Variants in ANO6 observed in about 807,000 individuals in gnomAD.
The protein encoded by ANO6 is anoctamin-6.
A neutral mutation model predicts 117.5 loss-of-function variants in ANO6; 106 were observed. The ratio of observed to expected loss-of-function variants is 0.90; its 90% confidence interval spans 0.77 to 1.06. ANO6 has a LOEUF of 1.06. ANO6 is among the 50% of genes least tolerant of loss of function. ANO6 has a pLI of 0.00. For synonymous variants in ANO6, 367 were observed against 385.1 expected (o/e 0.95, Z 0.55); for missense variants, 955 against 1,121.1 (o/e 0.85, Z 2.12).
chr12:45,359,918 A>G (rs2137482900), intron 8 of ANO6, among the ~76,000 whole-genome samples: 1 of 152,356 alleles, frequency 6.6e-6, no homozygotes, highest in African/African-American at 2.4e-5. Flanking sequence ...GGACAATAAT[A>G]TCTTCACATC....
intron 1 of ANO6, among the ~76,000 whole-genome samples, chr12:45,293,579 T>C (rs186565999): frequency 6.6e-6 from 1 of 152,150 alleles, no homozygotes; most frequent in Admixed American, 6.5e-5. Flanking sequence ...ATTTTATTTT[T>C]TTGAGACAGT....
At chr12:45,362,621 C>T (rs1941583663) in intron 8 of ANO6, among the ~76,000 whole-genome samples, 1 of 151,796 alleles carries the variant, frequency 6.6e-6, no homozygotes, top group Admixed American at 6.6e-5. Context: ...TCTATTCCTT[C>T]ATTACTACTT....
chr12:45,355,629 G>A (rs1941391062), intron 7 of ANO6, among the ~76,000 whole-genome samples: 1 of 152,154 alleles, frequency 6.6e-6, no homozygotes, highest in South Asian at 2.1e-4. Context: ...CCGTTTGCCT[G>A]CCTTCCATGA....
At chr12:45,385,173 TC>T (rs1210650048) in intron 10 of ANO6, among the ~76,000 whole-genome samples, 1 of 152,154 alleles carries the variant, frequency 6.6e-6, no homozygotes, top group African/African-American at 2.4e-5. Flanking sequence ...AAGGTGACAT[TC>T]CAGTGGGTAT....
At chr12:45,401,208 C>T (rs1942777522) in intron 12 of ANO6, among the ~76,000 whole-genome samples, 2 of 152,240 alleles carry the variant, frequency 1.3e-5, no homozygotes, top group South Asian at 4.1e-4. Context: ...GCCAGCTTCA[C>T]TGGCAGTGCT....
chr12:45,340,443 T>C (rs1049112017), intron 3 of ANO6, among the ~76,000 whole-genome samples: 1 of 152,188 alleles, frequency 6.6e-6, no homozygotes, highest in African/African-American at 2.4e-5. Flanking sequence ...GTGGTTGCAC[T>C]GCAAATGAAT....
chr12:45,244,054 T>A (rs1160381074), intron 1 of ANO6, among the ~76,000 whole-genome samples: 2 of 152,216 alleles, frequency 1.3e-5, no homozygotes, highest in African/African-American at 2.4e-5. Context: ...CAAATAAATA[T>A]AAATGCTATA....
At chr12:45,386,480 G>A (rs1942301386) in intron 10 of ANO6, among the ~76,000 whole-genome samples, 1 of 136,460 alleles carries the variant, frequency 7.3e-6, no homozygotes, top group Non-Finnish European at 1.6e-5. Context: ...AACCTGGCTA[G>A]CATCCTTCTG....
At chr12:45,235,369 T>G (rs1173742915) in intron 1 of ANO6, among the ~76,000 whole-genome samples, 1 of 152,214 alleles carries the variant, frequency 6.6e-6, no homozygotes, top group Non-Finnish European at 1.5e-5. Flanking sequence ...TAAGTAGGGC[T>G]GTGAATAAGA....
intron 1 of ANO6, among the ~76,000 whole-genome samples, chr12:45,279,195 TA>T (rs1190206920): frequency 6.6e-6 from 1 of 152,196 alleles, no homozygotes; most frequent in Admixed American, 6.5e-5. Flanking sequence ...AACTCCTCAA[TA>T]AACAGACTTA....
chr12:45,275,328 G>T (rs1257323186), intron 1 of ANO6, among the ~76,000 whole-genome samples: 1 of 152,100 alleles, frequency 6.6e-6, no homozygotes, highest in Non-Finnish European at 1.5e-5. Context: ...CCCTGCCTCA[G>T]CCTCCCAAGT....
chr12:45,353,315 G>A (rs780892627), intron 7 of ANO6, among the ~76,000 whole-genome samples: 119 of 151,908 alleles, frequency 7.8e-4, no homozygotes, highest in Non-Finnish European at 1.3e-3. Context: ...TGTTTACCCT[G>A]TAAAATAAGA....
chr12:45,302,959 G>C (rs1214237855), intron 2 of ANO6, among the ~76,000 whole-genome samples: 1 of 152,112 alleles, frequency 6.6e-6, no homozygotes, highest in Non-Finnish European at 1.5e-5. Context: ...CACCACTCCA[G>C]TAATTGGCAG....
At chr12:45,259,180 A>G (rs960364616) in intron 1 of ANO6, among the ~76,000 whole-genome samples, 1 of 152,212 alleles carries the variant, frequency 6.6e-6, no homozygotes, top group African/African-American at 2.4e-5. Context: ...AGCATTCAGA[A>G]TGGTGAAGCA....
In ANO6 at chr12:45,432,022, A is replaced by G. The variant is rs1179078394; in HGVS notation, c.*2711A>G. On this transcript the variant is annotated 3_prime_UTR_variant, in exon 20 of 20. Coordinates refer to ENST00000320560, the MANE Select transcript of ANO6 (RefSeq NM_001025356.3). ...AAGGCCATCTTATAAACTGTCACCA[A>G]AGTCTTCCCTTTTTTATTGCATGTG... The G allele has an allele frequency of 1.0e-6, 1 of 985,298 alleles. No homozygotes were observed. Among genetic ancestry groups the G allele is most frequent in the Non-Finnish European group, 1.2e-6 (1 of 829,892 alleles). 61.0% of individuals were successfully genotyped at this position (985,298 alleles called of 1,614,324 possible). A position where few individuals can be genotyped will look rare whatever the true frequency, so the allele number is the denominator to read the frequency against.
chr12:45,285,578 A>G (rs889531092), intron 1 of ANO6, among the ~76,000 whole-genome samples: 2 of 152,122 alleles, frequency 1.3e-5, no homozygotes, highest in Non-Finnish European at 2.9e-5. Context: ...AAATACAAAA[A>G]ATTAGCCAGG....
intron 3 of ANO6, among the ~76,000 whole-genome samples, chr12:45,343,708 A>G (rs1466718290): frequency 6.6e-6 from 1 of 152,206 alleles, no homozygotes; most frequent in Non-Finnish European, 1.5e-5. Flanking sequence ...AAATAAGGTT[A>G]GAGATAGGCA....
chr12:45,258,590 G>A (rs1157879851), intron 1 of ANO6, among the ~76,000 whole-genome samples: 4 of 151,788 alleles, frequency 2.6e-5, no homozygotes, highest in African/African-American at 9.7e-5. Flanking sequence ...TAGTCACCAC[G>A]AATCCTGAAT....
intron 1 of ANO6, among the ~76,000 whole-genome samples, chr12:45,222,337 T>C (rs1947416017): frequency 6.6e-6 from 1 of 152,082 alleles, no homozygotes; most frequent in Non-Finnish European, 1.5e-5. Flanking sequence ...ATTTTTGTAT[T>C]TTTAATAGAA....
Sources: allele counts gnomAD v4.1 joint callset (sites outside exome capture counted in the v4.1 genomes callset), GRCh38; gene constraint gnomAD v4.1.1; transcripts MANE v1.5; gene names NCBI Gene and HGNC (gene_info 2026-07-23, HGNC 2026-07-21).